The following TANGO6 variants were observed in gnomAD, a reference collection of about 807,000 sequenced individuals.
TANGO6 encodes transport and golgi organization 6 homolog.
A neutral mutation model predicts 114.2 loss-of-function variants in TANGO6; 90 were observed. That is an observed-to-expected ratio of 0.79 (90% CI 0.66 to 0.94). TANGO6 has a LOEUF of 0.94. Among genes scored for constraint, TANGO6 ranks in the 40% least tolerant of loss-of-function variants. The pLI, the probability that TANGO6 is intolerant of heterozygous loss-of-function variation, is 0.00. For synonymous variants in TANGO6, 477 were observed against 509.8 expected (o/e 0.94, Z 0.87); for missense variants, 1,274 against 1,315.3 (o/e 0.97, Z 0.49).
At chr16:68,902,037 A>G (rs937272545) in intron 8 of TANGO6, among the ~76,000 whole-genome samples, 1 of 147,426 alleles carries the variant, frequency 6.8e-6, no homozygotes, top group Non-Finnish European at 1.5e-5. Flanking sequence ...GCAGTAGTAC[A>G]CTTGGAATTA....
intron 11 of TANGO6, among the ~76,000 whole-genome samples, chr16:68,915,768 C>A (rs1187908807): frequency 6.6e-6 from 1 of 152,144 alleles, no homozygotes; most frequent in African/African-American, 2.4e-5. Flanking sequence ...TTCTAGTTTC[C>A]TGCGTTGCTT....
intron 14 of TANGO6, among the ~76,000 whole-genome samples, chr16:68,956,597 A>C (rs934718729): frequency 2.6e-4 from 39 of 152,244 alleles, no homozygotes; most frequent in African/African-American, 9.4e-4. Context: ...TCATGTCTGT[A>C]ATCTGAGCAC....
chr16:69,013,590 C>T (rs1285841278), intron 15 of TANGO6, among the ~76,000 whole-genome samples: 5 of 149,324 alleles, frequency 3.3e-5, no homozygotes, highest in Non-Finnish European at 7.4e-5. Flanking sequence ...GCACTCCAAC[C>T]TGGGCGACAG....
intron 3 of TANGO6, 78 bp from the exon 4 acceptor site, chr16:68,866,997 TTTTA>T: frequency 1.6e-6 from 1 of 625,810 alleles, no homozygotes; most frequent in South Asian, 4.2e-5. Context: ...TTTTTTTTTT[TTTTA>T]CAGGCATGAG....
chr16:68,912,730 T>A (rs1962940498), intron 11 of TANGO6, among the ~76,000 whole-genome samples: 1 of 151,916 alleles, frequency 6.6e-6, no homozygotes, highest in African/African-American at 2.4e-5. Context: ...CACGTTTATC[T>A]GCTCCCTCTG....
intron 14 of TANGO6, among the ~76,000 whole-genome samples, chr16:68,964,061 A>G (rs1407541859): frequency 6.6e-6 from 1 of 151,990 alleles, no homozygotes; most frequent in African/African-American, 2.4e-5. Context: ...ACTTTGAAAG[A>G]CAAAATTTGT....
At chr16:68,985,449 C>A (rs2152216386) in intron 15 of TANGO6, among the ~76,000 whole-genome samples, 2 of 152,240 alleles carry the variant, frequency 1.3e-5, no homozygotes. Context: ...GTGACTCATG[C>A]CTGTAATCCT....
At position 68,878,230 on chromosome 16, in the gene TANGO6, A is replaced by G. The variant is rs375760545; in HGVS notation, c.1244A>G (p.Tyr415Cys). 9.9e-6 allele frequency: 16 copies of G among 1,613,064 alleles called. No homozygotes were observed. Among genetic ancestry groups the G allele is most frequent in the African/African-American group, 9.3e-5 (7 of 74,896 alleles). ...SRERPHLAAK[Y>C]LLQPVLAPLH... is the part of the protein sequence containing the mutation. ...GAACGCCCACATTTGGCAGCAAAGT[A>G]TTTGCTCCAGCCAGTGTTAGCTCCT... Residue 415 changes from tyrosine (Y) to cysteine (C), a missense_variant, in exon 6 of 18, where the codon TAT (tyrosine) becomes TGT (cysteine). Around this residue, in one of 5 missense-constraint regions of TANGO6, gnomAD observed 908 missense variants for 910.2 expected, o/e 1.00. Transcript: ENST00000261778.
intron 14 of TANGO6, among the ~76,000 whole-genome samples, chr16:68,939,533 G>A (rs2152201275): frequency 6.6e-6 from 1 of 151,102 alleles, no homozygotes; most frequent in East Asian, 1.9e-4. Context: ...AGTAAGTTGT[G>A]TTAGGGATAT....
intron 7 of TANGO6, among the ~76,000 whole-genome samples, chr16:68,881,071 G>A (rs1962455084): frequency 6.6e-6 from 1 of 152,186 alleles, no homozygotes; most frequent in South Asian, 2.1e-4. Context: ...TTACAGGCGC[G>A]AGCCACTGCG....
chr16:68,984,760 G>T (rs971219277), intron 15 of TANGO6, among the ~76,000 whole-genome samples: 16 of 152,110 alleles, frequency 1.1e-4, no homozygotes, highest in Admixed American at 3.3e-4. Flanking sequence ...GAGCTCAAGT[G>T]ATCTGCCTGT....
intron 7 of TANGO6, among the ~76,000 whole-genome samples, chr16:68,887,327 G>A (rs1037091990): frequency 6.6e-6 from 1 of 152,190 alleles, no homozygotes. Flanking sequence ...CTGCAGAGCA[G>A]CCCGTGTCAC....
intron 7 of TANGO6, among the ~76,000 whole-genome samples, chr16:68,880,914 C>T (rs1022899799): frequency 1.3e-5 from 2 of 152,026 alleles, no homozygotes; most frequent in Admixed American, 1.3e-4. Flanking sequence ...ACTTTGAAAA[C>T]CAGAAACTGT....
intron 1 of TANGO6, among the ~76,000 whole-genome samples, chr16:68,858,733 T>A (rs1427265653): frequency 6.6e-6 from 1 of 152,152 alleles, no homozygotes; most frequent in African/African-American, 2.4e-5. Context: ...TCCTCCTGCC[T>A]TGGCCTCCCA....
intron 8 of TANGO6, among the ~76,000 whole-genome samples, chr16:68,901,915 G>A (rs753457007): frequency 2.2e-4 from 34 of 152,148 alleles, no homozygotes; most frequent in Admixed American, 4.6e-4. Flanking sequence ...AGGGGTTGAG[G>A]AATCAGCAAT....
At chr16:69,011,640 T>TA (rs1309706851) in intron 15 of TANGO6, among the ~76,000 whole-genome samples, 1 of 152,064 alleles carries the variant, frequency 6.6e-6, no homozygotes, top group African/African-American at 2.4e-5. Context: ...ATAACTTTTT[T>TA]AGAGACAAGC....
At chr16:69,046,750 TAA>T (rs1959864968) in intron 17 of TANGO6, among the ~76,000 whole-genome samples, 1 of 151,532 alleles carries the variant, frequency 6.6e-6, no homozygotes, top group African/African-American at 2.4e-5. Context: ...GTCCTAGAAC[TAA>T]AAACTACAGT....
intron 17 of TANGO6, among the ~76,000 whole-genome samples, chr16:69,045,564 A>T (rs563382199): frequency 3.2e-4 from 49 of 151,710 alleles, no homozygotes; most frequent in African/African-American, 1.1e-3. Context: ...CAACATAGTG[A>T]AACCCCCTCT....
intron 3 of TANGO6, among the ~76,000 whole-genome samples, chr16:68,864,653 AAGCTG>A (rs1270697501): frequency 6.6e-6 from 1 of 152,186 alleles, no homozygotes; most frequent in East Asian, 1.9e-4. Context: ...GGACCAGCTG[AAGCTG>A]GCTACAGAGA....
Sources: gnomAD v4.1 joint callset for allele counts (sites outside exome capture counted in the v4.1 genomes callset) on GRCh38, gnomAD v4.1.1 for gene constraint, gnomAD v4.1.1 regional missense constraint, MANE v1.5 for transcripts, NCBI Gene and HGNC (gene_info 2026-07-23, HGNC 2026-07-21) for gene names.